The following PHLPP1 variants were observed in gnomAD, a reference collection of about 807,000 sequenced individuals.
PHLPP1 encodes PH domain and leucine rich repeat protein phosphatase 1, also known as PH domain leucine-rich repeat-containing protein phosphatase 1.
A neutral mutation model predicts 117.2 loss-of-function variants in PHLPP1; 42 were observed. That is an observed-to-expected ratio of 0.36 (90% CI 0.28 to 0.46). The LOEUF (loss-of-function observed/expected upper bound fraction) is 0.46, where lower values mean the gene tolerates loss of function less well. Ranked by LOEUF, PHLPP1 falls within the 20% of genes least tolerant of loss-of-function variation. PHLPP1 has a pLI of 1.00. For synonymous variants in PHLPP1, 1,042 were observed against 970.7 expected (o/e 1.07, Z -1.37); for missense variants, 2,084 against 2,241.9 (o/e 0.93, Z 1.42).
chr18:62,753,411 G>A (rs746539159), intron 1 of PHLPP1, among the ~76,000 whole-genome samples: 4 of 152,142 alleles, frequency 2.6e-5, no homozygotes, highest in Non-Finnish European at 5.9e-5. Flanking sequence ...ATAACTGAAG[G>A]CTTGTTTTTA....
chr18:62,797,361 A>C (rs532826829), intron 1 of PHLPP1, among the ~76,000 whole-genome samples: 215 of 152,306 alleles, frequency 1.4e-3, no homozygotes, highest in African/African-American at 5.0e-3. Context: ...AGATATATCC[A>C]TGTGTCCCCA....
intron 15 of PHLPP1, among the ~76,000 whole-genome samples, chr18:62,974,249 A>G (rs1911128561): frequency 6.6e-6 from 1 of 152,140 alleles, no homozygotes; most frequent in Non-Finnish European, 1.5e-5. Context: ...GAGTTTAGGA[A>G]CCTAAACTAT....
chr18:62,725,113 C>G (rs529569857), intron 1 of PHLPP1, among the ~76,000 whole-genome samples: 2 of 152,202 alleles, frequency 1.3e-5, no homozygotes, highest in Non-Finnish European at 2.9e-5. Context: ...AATCCCAGCA[C>G]TTTGGGAGGC....
At chr18:62,942,586 T>A (rs1228151477) in intron 11 of PHLPP1, among the ~76,000 whole-genome samples, 1 of 152,178 alleles carries the variant, frequency 6.6e-6, no homozygotes, top group Middle Eastern at 3.2e-3. Context: ...AATTTCTAAT[T>A]TTCGGTGAGC....
At chr18:62,838,672 T>C (rs761259194) in intron 2 of PHLPP1, 112 bp from the exon 3 acceptor site, 5 of 1,029,994 alleles carry the variant, frequency 4.9e-6, no homozygotes, top group Non-Finnish European at 7.3e-6. Flanking sequence ...GTAACATATA[T>C]AGGGAAACAT....
chr18:62,931,893 A>G (rs1909822500), intron 10 of PHLPP1, among the ~76,000 whole-genome samples: 1 of 151,784 alleles, frequency 6.6e-6, no homozygotes, highest in African/African-American at 2.4e-5. Context: ...AAAAAAAAAA[A>G]AAAAAAGATC....
At chr18:62,886,415 A>G (rs1002902828) in intron 4 of PHLPP1, among the ~76,000 whole-genome samples, 1 of 152,160 alleles carries the variant, frequency 6.6e-6, no homozygotes, top group Non-Finnish European at 1.5e-5. Context: ...CTAGGACTAC[A>G]GGTGCACACC....
intron 6 of PHLPP1, among the ~76,000 whole-genome samples, chr18:62,901,873 CCA>C (rs776542191): frequency 6.6e-6 from 1 of 152,016 alleles, no homozygotes; most frequent in Non-Finnish European, 1.5e-5. Context: ...CGTGAAACAC[CCA>C]CCTCAGCCTC....
chr18:62,951,272 C>G (rs892062732), intron 12 of PHLPP1, among the ~76,000 whole-genome samples: 1 of 151,562 alleles, frequency 6.6e-6, no homozygotes, highest in African/African-American at 2.4e-5. Context: ...TGAGCCACCG[C>G]GCCTGGCCAA....
At chr18:62,871,126 G>A (rs888576123) in intron 4 of PHLPP1, among the ~76,000 whole-genome samples, 3 of 152,050 alleles carry the variant, frequency 2.0e-5, no homozygotes, top group South Asian at 2.1e-4. Context: ...CATAAAATAT[G>A]GTAAGTTTCT....
chr18:62,823,203 G>A (rs1332459754), intron 1 of PHLPP1, among the ~76,000 whole-genome samples: 4 of 152,108 alleles, frequency 2.6e-5, no homozygotes, highest in African/African-American at 9.7e-5. Context: ...GGAAACTTTT[G>A]CTTTCTGAAA....
intron 2 of PHLPP1, among the ~76,000 whole-genome samples, chr18:62,836,969 T>C (rs1057334395): frequency 1.3e-5 from 2 of 152,088 alleles, no homozygotes; most frequent in Admixed American, 6.6e-5. Flanking sequence ...AACAAAGTTA[T>C]AGGACTATTC....
At chr18:62,808,210 A>C (rs1200070769) in intron 1 of PHLPP1, among the ~76,000 whole-genome samples, 1 of 152,212 alleles carries the variant, frequency 6.6e-6, no homozygotes, top group African/African-American at 2.4e-5. Context: ...AAGATGAGTT[A>C]ATCTTAGATA....
At chr18:62,867,709 G>T (rs1915801748) in intron 4 of PHLPP1, among the ~76,000 whole-genome samples, 2 of 152,182 alleles carry the variant, frequency 1.3e-5, no homozygotes, top group South Asian at 4.1e-4. Flanking sequence ...TCCTCAGGGG[G>T]TGTCAGTTTA....
chr18:62,900,403 T>A (rs960696117), intron 6 of PHLPP1, among the ~76,000 whole-genome samples: 9 of 150,416 alleles, frequency 6.0e-5, no homozygotes, highest in South Asian at 2.1e-4. Context: ...ATGTTGTAGT[T>A]GTTTGTATTC....
At chr18:62,799,781 G>T (rs909340885) in intron 1 of PHLPP1, among the ~76,000 whole-genome samples, 8 of 152,072 alleles carry the variant, frequency 5.3e-5, no homozygotes, top group African/African-American at 1.9e-4. Flanking sequence ...GAGGGTTTTT[G>T]TTTATTTGCT....
intron 1 of PHLPP1, among the ~76,000 whole-genome samples, chr18:62,764,685 C>A (rs534952092): frequency 3.3e-5 from 5 of 152,010 alleles, no homozygotes; most frequent in Admixed American, 2.0e-4. Context: ...GTCACACTTA[C>A]GTCCTAGGGT....
chr18:62,881,333 G>A (rs563970487), intron 4 of PHLPP1, among the ~76,000 whole-genome samples: 1 of 152,126 alleles, frequency 6.6e-6, no homozygotes, highest in South Asian at 2.1e-4. Flanking sequence ...AAATGTCCAT[G>A]GAAATTATTG....
chr18:62,888,802 C>T (rs1294172053), intron 4 of PHLPP1, among the ~76,000 whole-genome samples: 1 of 152,204 alleles, frequency 6.6e-6, no homozygotes, highest in African/African-American at 2.4e-5. Flanking sequence ...GACTTTTCCT[C>T]CATACCAGGG....
Sources: gnomAD v4.1 joint callset for allele counts (sites outside exome capture counted in the v4.1 genomes callset) on GRCh38, gnomAD v4.1.1 for gene constraint, MANE v1.5 for transcripts, NCBI Gene and HGNC (gene_info 2026-07-23, HGNC 2026-07-21) for gene names.